The following DNMT3A variants were observed in gnomAD, a reference collection of about 807,000 sequenced individuals.
DNMT3A encodes the protein DNA methyltransferase 3 alpha.
In DNMT3A, 267 loss-of-function variants were observed where a neutral mutation model predicts 117.6. The ratio of observed to expected loss-of-function variants is 2.27; its 90% CI spans 2.05 to 2.51. DNMT3A has a LOEUF of 2.51. Among genes scored for constraint, DNMT3A ranks in the 30% most tolerant of loss-of-function variants. The pLI is 0.00. For synonymous variants in DNMT3A, 432 were observed against 474.8 expected (o/e 0.91, Z 1.17); for missense variants, 1,029 against 1,260.2 (o/e 0.82, Z 2.78).
In DNMT3A at chr2:25,234,811, T is replaced by C. The variant is rs186114716; in HGVS notation, c.2598-391A>G. ...AGCTCGGCAACGTACACCTGGAGTC[T>C]GCATGTAACGAACACGTAGCCCTAG... On this transcript the variant is annotated intron_variant, in intron 22 of 22. Coordinates refer to ENST00000321117, the MANE Select transcript of DNMT3A (RefSeq NM_022552.5). The surrounding 1 kb of genome is among the most constrained non-coding windows in gnomAD (Gnocchi z 4.5). Among the ~76,000 whole-genome samples, 1 of 152,310 alleles carries C rather than the reference T, an allele frequency of 6.6e-6. No homozygotes were observed. Among genetic ancestry groups the C allele is most frequent in the Admixed American group, 6.5e-5 (1 of 15,304 alleles).
chr2:25,249,508 G>T, intron 6 of DNMT3A: 1 of 892,352 alleles, frequency 1.1e-6, no homozygotes, highest in Non-Finnish European at 1.8e-6. Context: ...CCCCTTCTAT[G>T]TGCACCCTTC....
intron 6 of DNMT3A, among the ~76,000 whole-genome samples, chr2:25,248,998 C>G (rs551080793): frequency 1.3e-5 from 2 of 152,184 alleles, no homozygotes; most frequent in Non-Finnish European, 2.9e-5. Flanking sequence ...TACCGTATAT[C>G]TCCTAATGCT....
intron 6 of DNMT3A, among the ~76,000 whole-genome samples, chr2:25,260,747 C>A: frequency 6.6e-6 from 1 of 152,206 alleles, no homozygotes; most frequent in Non-Finnish European, 1.5e-5. Flanking sequence ...GGAGCACACA[C>A]ACACACTCAC....
chr2:25,287,067 T>G (rs2032363835), intron 3 of DNMT3A, among the ~76,000 whole-genome samples: 1 of 152,256 alleles, frequency 6.6e-6, no homozygotes, highest in African/African-American at 2.4e-5. Flanking sequence ...GAGAACCTCC[T>G]GCACTCAAGC....
In DNMT3A at chr2:25,330,497, G is replaced by A. The variant is rs530711149; in HGVS notation, c.-178+11329C>T. The stretch of plus-strand genomic sequence containing the variant: ...CAAAGGTCTCCCCAGGGGTGTGGCT[G>A]CATGTCACAAGGCCACCATACAGCC... On this transcript the variant is annotated intron_variant, in intron 1 of 22. Transcript: ENST00000321117. Among the ~76,000 whole-genome samples, 8 of 152,342 alleles carry A rather than the reference G, an allele frequency of 5.3e-5. No homozygotes were observed. In the East Asian group the frequency reaches 1.4e-3, roughly 26 times the overall value.
chr2:25,274,013 C>T (rs528553605), intron 6 of DNMT3A, among the ~76,000 whole-genome samples: 1 of 152,170 alleles, frequency 6.6e-6, no homozygotes, highest in Non-Finnish European at 1.5e-5. Flanking sequence ...GATTTAAATG[C>T]CAGGGTTCTG....
At chr2:25,334,580 G>T (rs906217834) in intron 1 of DNMT3A, among the ~76,000 whole-genome samples, 8 of 152,230 alleles carry the variant, frequency 5.3e-5, no homozygotes, top group African/African-American at 1.9e-4. Context: ...AAGATCCTCA[G>T]TGATTTGTTC....
At chr2:25,307,762 G>A (rs1558729354) in intron 2 of DNMT3A, among the ~76,000 whole-genome samples, 1 of 152,112 alleles carries the variant, frequency 6.6e-6, no homozygotes. Context: ...ACTGCGCCTG[G>A]CCCATTCTTC....
At chr2:25,258,791 G>C (rs528468613) in intron 6 of DNMT3A, among the ~76,000 whole-genome samples, 1 of 152,268 alleles carries the variant, frequency 6.6e-6, no homozygotes, top group Non-Finnish European at 1.5e-5. Context: ...CCAGATCTAG[G>C]GGGCATCTGT....
intron 6 of DNMT3A, among the ~76,000 whole-genome samples, chr2:25,261,275 C>A (rs1245697284): frequency 6.6e-6 from 1 of 151,772 alleles, no homozygotes; most frequent in East Asian, 1.9e-4. Flanking sequence ...CCCGTCTCCA[C>A]TAAAATTACA....
At chr2:25,313,112 G>T (rs908474755) in intron 2 of DNMT3A, among the ~76,000 whole-genome samples, 6 of 152,176 alleles carry the variant, frequency 3.9e-5, no homozygotes, top group Non-Finnish European at 8.8e-5. Context: ...AGTGCTGGGG[G>T]TTAAGGGGCA....
In DNMT3A at chr2:25,241,615, G is replaced by GC. The variant is rs1558661449; in HGVS notation, c.2028dup (p.His677AlafsTer36). The stretch of plus-strand genomic sequence containing the variant: ...CCGACGTACATGATCTTCCCCTGGT[G>GC]CCGCACCATGCCCACCGTGATGGAG... On this transcript the variant is annotated frameshift_variant, in exon 17 of 23. Transcript: ENST00000321117. LOFTEE classifies it high-confidence loss of function. The GC allele has an allele frequency of 6.2e-7, 1 of 1,614,030 alleles. No individual in the cohort carries two copies.
In DNMT3A at chr2:25,282,762, G is replaced by A. The variant is rs1573420377; in HGVS notation, c.178-51C>T. ...GAGGAGGGTTAGATCAGTGGGCTTA[G>A]CCTGTTTTGGATCATTGACCGCTCT... On this transcript the variant is annotated intron_variant, in intron 3 of 22. Coordinates refer to ENST00000321117, the MANE Select transcript of DNMT3A (RefSeq NM_022552.5). This position sits in a 1 kb window ranked among gnomAD's most constrained non-coding sequence, Gnocchi z 5.2. 1 of 1,491,938 alleles carries A rather than the reference G, an allele frequency of 6.7e-7. No individual in the cohort carries two copies. Among genetic ancestry groups the A allele is most frequent in the Non-Finnish European group, 8.9e-7 (1 of 1,121,018 alleles). The allele number at this position is 1,491,938 out of a possible 1,614,324, so 92.4% of individuals were successfully genotyped here.
At chr2:25,338,165 A>G (rs552502616) in intron 1 of DNMT3A, among the ~76,000 whole-genome samples, 1 of 152,250 alleles carries the variant, frequency 6.6e-6, no homozygotes, top group African/African-American at 2.4e-5. Context: ...TGGCACGTGA[A>G]TGGCCCTCCA....
At chr2:25,241,821 CCT>C in intron 16 of DNMT3A, 114 bp from the exon 17 acceptor site, 2 of 1,363,270 alleles carry the variant, frequency 1.5e-6, no homozygotes, top group Non-Finnish European at 2.0e-6. Flanking sequence ...AGGCCCAAGT[CCT>C]ATCTTTTCCC....
Position 25,314,058 on chromosome 2 carries a change from G to T in DNMT3A, c.-74C>A, listed in dbSNP as rs1428260163. ...GGGCTTTGGGGAAGGAATTATCGTGGTCTTTGGAGGCGAGAGTTAAAACTT... is the reference window on the plus strand; with the variant it reads ...GGGCTTTGGGGAAGGAATTATCGTGTTCTTTGGAGGCGAGAGTTAAAACTT... On this transcript the variant is annotated 5_prime_UTR_variant, in exon 2 of 23. Coordinates refer to ENST00000321117, the MANE Select transcript of DNMT3A (RefSeq NM_022552.5). 2 of 1,455,584 alleles carry T rather than the reference G, an allele frequency of 1.4e-6. No homozygotes were observed. The highest frequency in any genetic ancestry group is 5.1e-5 in the East Asian group (2 of 39,474). The allele number at this position is 1,455,584 out of a possible 1,614,324, so 90.2% of individuals were successfully genotyped here.
At chr2:25,273,723 C>A (rs1573400524) in intron 6 of DNMT3A, among the ~76,000 whole-genome samples, 1 of 152,168 alleles carries the variant, frequency 6.6e-6, no homozygotes, top group African/African-American at 2.4e-5. Flanking sequence ...ACCTCCCCGA[C>A]CCCCACAGAA....
chr2:25,296,818 T>C lies in DNMT3A; in HGVS notation c.177+3321A>G, dbSNP rs929407077. 1.3e-5 allele frequency among the ~76,000 whole-genome samples: 2 copies of C among 152,028 alleles called. No individual in the cohort carries two copies. Among genetic ancestry groups the C allele is most frequent in the African/African-American group, 4.8e-5 (2 of 41,386 alleles). On this transcript the variant is annotated intron_variant, in intron 3 of 22. Transcript: ENST00000321117. The surrounding 1 kb of genome is among the most constrained non-coding windows in gnomAD (Gnocchi z 4.2). ...GAGAGAGCCCAGGATTTCTTGGGCT[T>C]GGGGGTGGGACCTGGTGAGGGCACT...
At chr2:25,335,382 C>T (rs1021446521) in intron 1 of DNMT3A, among the ~76,000 whole-genome samples, 19 of 152,326 alleles carry the variant, frequency 1.2e-4, no homozygotes, top group African/African-American at 4.3e-4. Context: ...GGGGCGAACT[C>T]GCCTGTGTCT....
Sources: gnomAD v4.1 joint callset for allele counts (sites outside exome capture counted in the v4.1 genomes callset) on GRCh38, gnomAD v4.1.1 for gene constraint, Gnocchi (gnomAD v3.1) non-coding constraint, MANE v1.5 for transcripts, NCBI Gene and HGNC (gene_info 2026-07-23, HGNC 2026-07-21) for gene names.